PCDHA6: variants seen among roughly 807,000 people sequenced by gnomAD.
The protein encoded by PCDHA6 is protocadherin alpha-6.
Under a neutral mutation model 60.3 loss-of-function variants are expected in PCDHA6, and 55 were observed. The ratio of observed to expected loss-of-function variants is 0.91; its 90% CI spans 0.73 to 1.14. The LOEUF (loss-of-function observed/expected upper bound fraction) is 1.14, where lower values mean the gene tolerates loss of function less well. PCDHA6 is among the 50% of genes most tolerant of loss of function. PCDHA6 has a pLI of 0.00. For missense variants in PCDHA6, 1,327 were observed against 1,256.5 expected, an observed-to-expected ratio of 1.06 and a Z score of -0.85; for synonymous variants, 652 against 557.9, an observed-to-expected ratio of 1.17 and a Z score of -2.38.
chr5:140,944,697 T>C (rs1227405627), intron 1 of PCDHA6, among the ~76,000 whole-genome samples: 1 of 152,198 alleles, frequency 6.6e-6, no homozygotes, highest in Non-Finnish European at 1.5e-5. Context: ...ATAACAGTAA[T>C]TATCAGGTTA....
At chr5:140,866,126 G>T (rs1435544560) in intron 1 of PCDHA6, 2 of 152,108 alleles carry the variant, frequency 1.3e-5, no homozygotes, top group African/African-American at 4.8e-5. Context: ...TAAGAACTAC[G>T]TATCTGTTGT....
chr5:140,966,916 G>A lies in PCDHA6; in HGVS notation c.2395-12033G>A, dbSNP rs1554228883. On this transcript the variant is annotated intron_variant, in intron 1 of 3. Coordinates refer to ENST00000529310, the MANE Select transcript of PCDHA6 (RefSeq NM_018909.4). Reference sequence around the variant, plus strand: ...CCCAGCTGCGATACTCTGTGCCAGAGGAGCAGGCACCCGGCGCGCTCGTGG... The same window carrying A: ...CCCAGCTGCGATACTCTGTGCCAGAAGAGCAGGCACCCGGCGCGCTCGTGG... 13 of 1,602,486 alleles carry A rather than the reference G, an allele frequency of 8.1e-6. No individual in the cohort carries two copies. In the South Asian group the frequency reaches 1.4e-4, roughly 18 times the overall value.
chr5:140,876,256 A>G (rs1554168418), intron 1 of PCDHA6: 1 of 1,614,042 alleles, frequency 6.2e-7, no homozygotes, highest in East Asian at 2.2e-5. Context: ...CACAAGAGTG[A>G]TCCAACTAAA....
Position 140,869,844 on chromosome 5 carries a change from T to C in PCDHA6, c.2394+39359T>C, listed in dbSNP as rs782664707. The C allele has an allele frequency of 1.3e-5, 21 of 1,611,376 alleles. No individual in the cohort carries two copies. The South Asian group carries it at 1.7e-4, about 13-fold the overall frequency. ...ATCCAGAGTTTGATAAATCAGAATA[T>C]AAGGTGAGCCTTATGGAAAATGCTG... On this transcript the variant is annotated intron_variant, in intron 1 of 3. Transcript: ENST00000529310.
intron 1 of PCDHA6, among the ~76,000 whole-genome samples, chr5:140,941,255 C>CTTTCTTTCTCTT (rs782490896): frequency 9.0e-5 from 4 of 44,506 alleles, no homozygotes; most frequent in Non-Finnish European, 1.5e-4. Flanking sequence ...TTCTTTCTTT[C>CTTTCTTTCTCTT]TCTTTCTTTC....
intron 1 of PCDHA6, among the ~76,000 whole-genome samples, chr5:140,964,981 T>C (rs2095867317): frequency 6.6e-6 from 1 of 152,188 alleles, no homozygotes; most frequent in Non-Finnish European, 1.5e-5. Context: ...ATGTGCTAGT[T>C]CAGGCCTTTG....
chr5:140,883,391 T>C (rs1301270294), intron 1 of PCDHA6: 8 of 1,614,052 alleles, frequency 5.0e-6, no homozygotes, highest in Non-Finnish European at 6.8e-6. Flanking sequence ...AATCAGTGTG[T>C]CCGATCGTGA....
At chr5:140,967,498 T>A (rs1554229623) in intron 1 of PCDHA6, 3 of 1,613,108 alleles carry the variant, frequency 1.9e-6, no homozygotes, top group Non-Finnish European at 2.5e-6. Flanking sequence ...CACAGATCTC[T>A]GTGCGTGTCC....
chr5:140,926,538 G>A (rs155362), intron 1 of PCDHA6: 1 of 210,368 alleles, frequency 4.8e-6, no homozygotes, highest in Admixed American at 5.9e-5. Flanking sequence ...CAGCCAGCGT[G>A]GTGGTCGAGA....
In PCDHA6 at chr5:140,884,535, C is replaced by A. The variant is rs142468733; in HGVS notation, c.2394+54050C>A. 15 of 1,614,034 alleles carry A rather than the reference C, an allele frequency of 9.3e-6. No individual in the cohort carries two copies. The South Asian group carries it at 1.5e-4, about 17-fold the overall frequency. ...TGGTCGTACTCGCAGCAGAGGCGGCCGAGGGTGTGCTCTGGGGAGGGCCCG... is the reference window on the plus strand; with the variant it reads ...TGGTCGTACTCGCAGCAGAGGCGGCAGAGGGTGTGCTCTGGGGAGGGCCCG... On this transcript the variant is annotated intron_variant, in intron 1 of 3. Transcript: ENST00000529310.
intron 1 of PCDHA6, among the ~76,000 whole-genome samples, chr5:140,903,073 T>C (rs1181656778): frequency 6.6e-6 from 1 of 152,196 alleles, no homozygotes; most frequent in Admixed American, 6.5e-5. Context: ...TTTGGGTAGA[T>C]ACCTGATAGT....
At chr5:140,925,641 T>TATAATA (rs10569930) in intron 1 of PCDHA6, among the ~76,000 whole-genome samples, 37,208 of 143,074 alleles carry the variant, frequency 0.26, 4,933 homozygotes, top group Middle Eastern at 0.29. Context: ...GAACTTAAAG[T>TATAATA]ATAATAATAA....
In PCDHA6 at chr5:140,870,953, C is replaced by T. The variant is rs782232980; in HGVS notation, c.2394+40468C>T. The T allele has an allele frequency of 3.2e-5, 51 of 1,613,668 alleles. No homozygotes were observed. In the East Asian group the frequency reaches 1.0e-3, roughly 32 times the overall value. ...GAATTGCAGCCGGCGGCGGGCGGCT[C>T]GCGCATCCCGTTCCGCGTGGGGCTG... On this transcript the variant is annotated intron_variant, in intron 1 of 3. Transcript: ENST00000529310.
chr5:140,961,938 C>T (rs1443851298), intron 1 of PCDHA6, among the ~76,000 whole-genome samples: 3 of 151,024 alleles, frequency 2.0e-5, no homozygotes, highest in African/African-American at 7.3e-5. Flanking sequence ...GGCTGGAGTG[C>T]AGTGGCATGA....
At position 140,842,810 on chromosome 5, in the gene PCDHA6, C is replaced by A. The variant is rs1346749991; in HGVS notation, c.2394+12325C>A. The A allele has an allele frequency of 1.9e-6, 3 of 1,594,008 alleles. 1 individual carries two copies. Among genetic ancestry groups the A allele is most frequent in the Non-Finnish European group, 2.6e-6 (3 of 1,165,400 alleles). ...GCTGGTGTCCTACTCGCTTGTGGAG[C>A]GGCGGGTGGGCGAGCGCTCGCTGTC... On this transcript the variant is annotated intron_variant, in intron 1 of 3. Transcript: ENST00000529310.
At chr5:140,913,759 G>A (rs782668286) in intron 1 of PCDHA6, among the ~76,000 whole-genome samples, 1 of 151,994 alleles carries the variant, frequency 6.6e-6, no homozygotes, top group African/African-American at 2.4e-5. Context: ...GTATCTCATA[G>A]GTTTTGGCAT....
intron 3 of PCDHA6, among the ~76,000 whole-genome samples, chr5:140,991,912 A>G (rs1022060256): frequency 1.3e-5 from 2 of 152,150 alleles, no homozygotes; most frequent in Non-Finnish European, 2.9e-5. Context: ...CCCTTTTGCC[A>G]TGTAACATAA....
chr5:140,882,152 G>A (rs1582595300), intron 1 of PCDHA6: 2 of 1,505,314 alleles, frequency 1.3e-6, no homozygotes, highest in Non-Finnish European at 8.9e-7. Flanking sequence ...GCAGAAAGCG[G>A]AATACCTCTT....
chr5:140,873,012 T>G (rs542650049), intron 1 of PCDHA6, among the ~76,000 whole-genome samples: 1 of 152,192 alleles, frequency 6.6e-6, no homozygotes. Context: ...TTCTTCATAT[T>G]TAGTTATTCT....
Sources: gnomAD v4.1 joint callset for allele counts (sites outside exome capture counted in the v4.1 genomes callset) on GRCh38, gnomAD v4.1.1 for gene constraint, MANE v1.5 for transcripts, NCBI Gene and HGNC (gene_info 2026-07-23, HGNC 2026-07-21) for gene names.